Variants in CHN2 observed in about 807,000 individuals in gnomAD.
The protein encoded by CHN2 is chimerin 2.
A neutral mutation model predicts 56.3 loss-of-function variants in CHN2; 35 were observed. That is an observed-to-expected ratio of 0.62 (90% CI 0.47 to 0.82). The LOEUF (loss-of-function observed/expected upper bound fraction) is 0.82. CHN2 is among the 40% of genes least tolerant of loss of function. CHN2 has a pLI of 0.00. For missense variants in CHN2, 491 were observed against 580.5 expected, an observed-to-expected ratio of 0.85 and a Z score of 1.58; for synonymous variants, 210 against 212.8, an observed-to-expected ratio of 0.99 and a Z score of 0.12.
Position 29,204,057 on chromosome 7 carries a change from TTCTC to T in CHN2, c.49+9075_49+9078del, listed in dbSNP as rs201492481. On this transcript the variant is annotated intron_variant, in intron 1 of 12. Coordinates refer to ENST00000222792, the MANE Select transcript of CHN2 (RefSeq NM_004067.4). ...AGCTGAGGAAACAAAGCACACGTTTTTCTCTCTCTCTGTGTGTGTGTGTGTGTGT... is the reference window on the plus strand; with the variant it reads ...AGCTGAGGAAACAAAGCACACGTTTTTCTCTCTGTGTGTGTGTGTGTGTGT... 1.7e-3 allele frequency among the ~76,000 whole-genome samples: 210 copies of T among 125,784 alleles called. 1 individual carries two copies. The highest frequency in any genetic ancestry group is 3.6e-3 in the Admixed American group (42 of 11,688). 82.5% of individuals were successfully genotyped at this position (125,784 alleles called of 152,430 possible).
At chr7:29,375,471 C>T (rs1249031439) in intron 3 of CHN2, among the ~76,000 whole-genome samples, 2 of 152,156 alleles carry the variant, frequency 1.3e-5, no homozygotes, top group African/African-American at 2.4e-5. Context: ...GCTGGGATTA[C>T]GGGCGTGAGC....
intron 2 of CHN2, among the ~76,000 whole-genome samples, chr7:29,365,472 G>A (rs983564238): frequency 5.3e-5 from 8 of 152,204 alleles, no homozygotes; most frequent in Non-Finnish European, 1.0e-4. Context: ...GATTGTAAGA[G>A]CATAGACTAG....
At position 29,456,618 on chromosome 7, in the gene CHN2, C is replaced by CA. The variant is rs1266283448; in HGVS notation, c.577-23661_577-23660insA. Among the ~76,000 whole-genome samples the CA allele has an allele frequency of 5.7e-3, 812 of 141,808 alleles. 3 individuals are homozygous for CA. Among genetic ancestry groups the CA allele is most frequent in the Middle Eastern group, 0.011 (3 of 270 alleles). 93.0% of individuals were successfully genotyped at this position (141,808 alleles called of 152,430 possible). ...GCCCCTGCCACCACCCGCCCCCTCC[C>CA]CCCCACCACCACCACCAACACCCCT... On this transcript the variant is annotated intron_variant, in intron 6 of 12. Transcript: ENST00000222792.
chr7:29,446,182 C>T (rs187106996), intron 6 of CHN2, among the ~76,000 whole-genome samples: 3 of 152,250 alleles, frequency 2.0e-5, no homozygotes, highest in South Asian at 4.1e-4. Context: ...CATTAGTGTA[C>T]ACTGCTCGGG....
chr7:29,213,904 G>T (rs979588645), intron 1 of CHN2, among the ~76,000 whole-genome samples: 4 of 151,978 alleles, frequency 2.6e-5, no homozygotes, highest in Admixed American at 2.6e-4. Flanking sequence ...AAAGAATACT[G>T]CATTACTGTA....
intron 6 of CHN2, among the ~76,000 whole-genome samples, chr7:29,404,662 G>C (rs1802486256): frequency 6.6e-6 from 1 of 152,150 alleles, no homozygotes; most frequent in East Asian, 1.9e-4. Context: ...TGTGGTGTGT[G>C]GAGTATGGTA....
intron 1 of CHN2, among the ~76,000 whole-genome samples, chr7:29,267,214 C>A (rs571705697): frequency 6.6e-6 from 1 of 151,826 alleles, no homozygotes; most frequent in Non-Finnish European, 1.5e-5. Context: ...GCCCTCTGTA[C>A]ATTAGGCACT....
chr7:29,246,177 G>T (rs1788060539), intron 1 of CHN2, among the ~76,000 whole-genome samples: 1 of 152,102 alleles, frequency 6.6e-6, no homozygotes, highest in Admixed American at 6.5e-5. Flanking sequence ...AGAGGCTGTG[G>T]CAACACCCAT....
chr7:29,340,924 A>C (rs1396622921), intron 1 of CHN2, among the ~76,000 whole-genome samples: 2 of 152,180 alleles, frequency 1.3e-5, no homozygotes, highest in Admixed American at 6.5e-5. Flanking sequence ...AGCTTCAATC[A>C]CAGGGTCTGG....
At chr7:29,361,413 A>G (rs1798723148) in intron 2 of CHN2, among the ~76,000 whole-genome samples, 1 of 152,212 alleles carries the variant, frequency 6.6e-6, no homozygotes, top group African/African-American at 2.4e-5. Flanking sequence ...CCCAGATGGC[A>G]AATAGGCTTC....
At chr7:29,359,889 T>C (rs1798592016) in intron 2 of CHN2, among the ~76,000 whole-genome samples, 1 of 152,210 alleles carries the variant, frequency 6.6e-6, no homozygotes, top group Admixed American at 6.5e-5. Context: ...AGGCAGCAGA[T>C]GCAGTGGCTG....
At chr7:29,387,669 C>T (rs1182734233) in intron 3 of CHN2, among the ~76,000 whole-genome samples, 2 of 152,204 alleles carry the variant, frequency 1.3e-5, no homozygotes, top group Non-Finnish European at 2.9e-5. Flanking sequence ...AAAGGGTGGG[C>T]TTCTCTCATA....
intron 3 of CHN2, among the ~76,000 whole-genome samples, chr7:29,379,711 C>T (rs1337486022): frequency 2.6e-5 from 4 of 152,254 alleles, no homozygotes; most frequent in Non-Finnish European, 4.4e-5. Flanking sequence ...AGGATGTGCT[C>T]TGGCCCATGG....
chr7:29,247,299 T>C (rs1788150975), intron 1 of CHN2, among the ~76,000 whole-genome samples: 1 of 152,216 alleles, frequency 6.6e-6, no homozygotes, highest in East Asian at 1.9e-4. Flanking sequence ...CTGATGTTTA[T>C]GTGATCACAC....
chr7:29,348,469 C>T (rs993358148), intron 1 of CHN2, among the ~76,000 whole-genome samples: 1 of 152,042 alleles, frequency 6.6e-6, no homozygotes, highest in African/African-American at 2.4e-5. Flanking sequence ...TGATCATTTT[C>T]TAAGCATCTG....
chr7:29,475,045 C>T (rs1312715996), intron 6 of CHN2, among the ~76,000 whole-genome samples: 2 of 152,108 alleles, frequency 1.3e-5, no homozygotes, highest in Non-Finnish European at 2.9e-5. Context: ...TGTCCACAGA[C>T]ACCCAAAAGG....
At chr7:29,448,720 G>A (rs1022561997) in intron 6 of CHN2, among the ~76,000 whole-genome samples, 2 of 152,028 alleles carry the variant, frequency 1.3e-5, no homozygotes, top group Non-Finnish European at 2.9e-5. Flanking sequence ...TCACTGTTTG[G>A]CTATCTCCTT....
intron 1 of CHN2, among the ~76,000 whole-genome samples, chr7:29,324,605 CTT>C (rs67912096): frequency 7.6e-4 from 110 of 144,248 alleles, no homozygotes; most frequent in East Asian, 8.2e-4. Context: ...TCAGCTGTGA[CTT>C]TTTTTTTTTT....
intron 1 of CHN2, among the ~76,000 whole-genome samples, chr7:29,243,111 A>C (rs1787814583): frequency 6.6e-6 from 1 of 152,182 alleles, no homozygotes; most frequent in Non-Finnish European, 1.5e-5. Flanking sequence ...TTTTAATCTA[A>C]TCAGTTAATT....
Sources: allele counts gnomAD v4.1 joint callset (sites outside exome capture counted in the v4.1 genomes callset), GRCh38; gene constraint gnomAD v4.1.1; transcripts MANE v1.5; gene names NCBI Gene and HGNC (gene_info 2026-07-23, HGNC 2026-07-21).